CXXC1: variants seen among roughly 807,000 people sequenced by gnomAD.
CXXC1 encodes CXXC finger protein 1.
CXXC1 carries 21 observed loss-of-function variants against 83.6 expected under a neutral mutation model. That is an observed-to-expected ratio of 0.25 (90% CI 0.18 to 0.36). CXXC1 has a LOEUF of 0.36. CXXC1 is among the 10% of genes least tolerant of loss of function. The probability of loss-of-function intolerance (pLI) is 1.00; values close to 1 mark genes in which losing one functional copy is unlikely to be tolerated. For synonymous variants in CXXC1, 371 were observed against 337.5 expected (o/e 1.10, Z -1.09); for missense variants, 688 against 919.5 (o/e 0.75, Z 3.26).
At position 50,286,728 on chromosome 18, in the gene CXXC1, T is replaced by C; in HGVS notation, c.122+12A>G. ...TGCCAGTGTCAGCCCCGCCCATCTC[T>C]CCCGCGCTCACATCATGAAGCAGTT... On this transcript the variant is annotated intron_variant, in intron 2 of 14. Coordinates refer to ENST00000285106, the MANE Select transcript of CXXC1 (RefSeq NM_014593.4). 1 of 1,611,802 alleles carries C rather than the reference T, an allele frequency of 6.2e-7. No individual in the cohort carries two copies.
At position 50,285,923 on chromosome 18, in the gene CXXC1, G is replaced by A. The variant is rs1452803246; in HGVS notation, c.465C>T (p.His155=). Residue 155 remains histidine (H), a synonymous_variant, in exon 5 of 15, where the codon CAC becomes CAT. Coordinates refer to ENST00000285106, the MANE Select transcript of CXXC1 (RefSeq NM_014593.4). This position sits in a 1 kb window ranked among gnomAD's most constrained non-coding sequence, Gnocchi z 4.4. ...GTTTGATCTGCTGCTGCTGCTGCTG[G>A]TGATGCTGCAGGAGGGGGCCCAGAA... is the stretch of plus-strand genomic sequence containing the variant. The part of the protein sequence containing the change: ...QPLVATPSQH[H]QQQQQQIKRS... 6.2e-7 allele frequency: 1 copy of A among 1,614,028 alleles called. No homozygotes were observed. The highest frequency in any genetic ancestry group is 8.5e-7 in the Non-Finnish European group (1 of 1,180,018).
chr18:50,284,110 A>T lies in CXXC1; in HGVS notation c.1206-9T>A. The T allele has an allele frequency of 1.2e-6, 2 of 1,600,542 alleles. No homozygotes were observed. The highest frequency in any genetic ancestry group is 1.7e-6 in the Non-Finnish European group (2 of 1,175,834). On this transcript the variant is annotated splice_polypyrimidine_tract_variant and intron_variant, in intron 9 of 14. Coordinates refer to ENST00000285106, the MANE Select transcript of CXXC1 (RefSeq NM_014593.4). ...GGATCTCGTAGATGCGGCTGCAGGG[A>T]AGGTAGCAAGCAACAGAATGAGTGA...
At chr18:50,286,918 C>A (rs779586962) in intron 1 of CXXC1, 60 bp from the exon 2 acceptor site, 4 of 1,188,282 alleles carry the variant, frequency 3.4e-6, no homozygotes, top group Non-Finnish European at 5.0e-6. Context: ...CTCATCCCCC[C>A]ATTACAACTC....
At chr18:50,283,213 C>T in intron 13 of CXXC1, 52 bp downstream of exon 13, 2 of 1,466,494 alleles carry the variant, frequency 1.4e-6, no homozygotes, top group Middle Eastern at 1.8e-4. Context: ...GAATGTGGGA[C>T]AGCGAGGCAG....
At position 50,282,502 on chromosome 18, in the gene CXXC1, G is replaced by A. The variant is rs2040498056; in HGVS notation, c.*91C>T. The A allele has an allele frequency of 6.6e-7, 1 of 1,506,038 alleles. No homozygotes were observed. Among genetic ancestry groups the A allele is most frequent in the African/African-American group, 1.4e-5 (1 of 73,110 alleles). 93.3% of individuals were successfully genotyped at this position (1,506,038 alleles called of 1,614,324 possible). ...CCGGTGGATGGGCACAGGGAGAACCGGAGAAACAGATGAGTGGAGGAACGG... is the reference window on the plus strand; with the variant it reads ...CCGGTGGATGGGCACAGGGAGAACCAGAGAAACAGATGAGTGGAGGAACGG... On this transcript the variant is annotated 3_prime_UTR_variant, in exon 15 of 15. Coordinates refer to ENST00000285106, the MANE Select transcript of CXXC1 (RefSeq NM_014593.4). The surrounding 1 kb of genome is among the most constrained non-coding windows in gnomAD (Gnocchi z 5.8).
In CXXC1 at chr18:50,287,425, T is replaced by C. The variant is rs755579454; in HGVS notation, c.3+162A>G. ...AGGAGCCCCCCACCGTGGCTCACCATAGAACTCCCAGATGGTTCATCATTC... is the reference window on the plus strand; with the variant it reads ...AGGAGCCCCCCACCGTGGCTCACCACAGAACTCCCAGATGGTTCATCATTC... On this transcript the variant is annotated intron_variant, in intron 1 of 14. Coordinates refer to ENST00000285106, the MANE Select transcript of CXXC1 (RefSeq NM_014593.4). 1.1e-4 allele frequency: 95 copies of C among 851,142 alleles called. 1 individual carries two copies. Among genetic ancestry groups the C allele is most frequent in the South Asian group, 4.3e-4 (27 of 62,636 alleles). The allele number at this position is 851,142 out of a possible 1,614,324, so 52.7% of individuals were successfully genotyped here.
intron 9 of CXXC1, 48 bp downstream of exon 9, chr18:50,284,330 C>G: frequency 1.3e-6 from 2 of 1,517,118 alleles, no homozygotes; most frequent in Non-Finnish European, 1.8e-6. Flanking sequence ...GTGGTCAGGC[C>G]CTACCATGCA....
rs1403586843 is a variant in CXXC1 at position 50,282,754 on chromosome 18, G to A, written c.1825-15C>T. On this transcript the variant is annotated splice_polypyrimidine_tract_variant and intron_variant, in intron 14 of 14. Transcript: ENST00000285106. This position sits in a 1 kb window ranked among gnomAD's most constrained non-coding sequence, Gnocchi z 5.8. ...AGCTTGTACCACTGCCAAGGGAGCGGCAGGAGTCCTAAGCAGGAACACCTG... is the reference window on the plus strand; with the variant it reads ...AGCTTGTACCACTGCCAAGGGAGCGACAGGAGTCCTAAGCAGGAACACCTG... 1 of 1,613,486 alleles carries A rather than the reference G, an allele frequency of 6.2e-7. No individual in the cohort carries two copies. Among genetic ancestry groups the A allele is most frequent in the Non-Finnish European group, 8.5e-7 (1 of 1,179,734 alleles).
At chr18:50,283,069 CAAG>C (rs1383119939) in intron 13 of CXXC1, 63 bp from the exon 14 acceptor site, 23 of 1,565,140 alleles carry the variant, frequency 1.5e-5, no homozygotes, top group Non-Finnish European at 1.8e-5. Flanking sequence ...AATGGGGGCT[CAAG>C]GAGGGAGAAG....
intron 2 of CXXC1, 26 bp from the exon 3 acceptor site, chr18:50,286,665 A>T: frequency 6.2e-7 from 1 of 1,612,256 alleles, no homozygotes; most frequent in South Asian, 1.1e-5. Context: ...CAGGCGATGG[A>T]GATGTGAGGG....
chr18:50,283,158 TGA>T, intron 13 of CXXC1, 105 bp downstream of exon 13: 1 of 1,297,328 alleles, frequency 7.7e-7, no homozygotes, highest in Non-Finnish European at 1.1e-6. Flanking sequence ...GCAGGGAAGC[TGA>T]GAGGAAAAAG....
At chr18:50,286,350 C>G (rs1453038364) in intron 3 of CXXC1, 93 bp from the exon 4 acceptor site, 61 of 1,236,070 alleles carry the variant, frequency 4.9e-5, no homozygotes, top group Non-Finnish European at 6.5e-5. Flanking sequence ...CCTTACTGAC[C>G]CACCCACCTA....
intron 12 of CXXC1, 65 bp downstream of exon 12, chr18:50,283,450 C>T: frequency 6.2e-7 from 1 of 1,609,028 alleles, no homozygotes; most frequent in Non-Finnish European, 8.5e-7. Flanking sequence ...CCCAGCTCCA[C>T]ACACATCCCA....
At chr18:50,284,201 G>A in intron 9 of CXXC1, 100 bp from the exon 10 acceptor site, 1 of 1,462,844 alleles carries the variant, frequency 6.8e-7, no homozygotes, top group Non-Finnish European at 9.4e-7. Flanking sequence ...ATAGGTGACT[G>A]GCGGAATGGT....
chr18:50,287,273 C>G, intron 1 of CXXC1: 1 of 518,498 alleles, frequency 1.9e-6, no homozygotes, highest in East Asian at 3.2e-5. Context: ...ACACGGACTC[C>G]TCGTCACGGC....
Position 50,286,799 on chromosome 18 carries a change from A to G in CXXC1, c.63T>C (p.Asn21=), listed in dbSNP as rs746355815. The G allele has an allele frequency of 3.7e-6, 6 of 1,613,794 alleles. No individual in the cohort carries two copies. In the South Asian group the frequency reaches 5.5e-5, roughly 15 times the overall value. ...PDAGEDSKSE[N]GENAPIYCIC... ...TGCAGTAGATGGGCGCATTCTCCCCATTCTCGGACTTGCTGTCCTCCCCGG... is the reference window on the plus strand; with the variant it reads ...TGCAGTAGATGGGCGCATTCTCCCCGTTCTCGGACTTGCTGTCCTCCCCGG... The change falls in exon 2 of 15, where the codon AAT becomes AAC. Residue 21 remains asparagine, a synonymous_variant. Coordinates refer to ENST00000285106, the MANE Select transcript of CXXC1 (RefSeq NM_014593.4).
In CXXC1 at chr18:50,283,610, A is replaced by G. The variant is rs574107998; in HGVS notation, c.1525-46T>C. 3.1e-6 allele frequency: 5 copies of G among 1,611,284 alleles called. No individual in the cohort carries two copies. The African/African-American group carries it at 6.7e-5, about 22-fold the overall frequency. On this transcript the variant is annotated intron_variant, in intron 11 of 14. Coordinates refer to ENST00000285106, the MANE Select transcript of CXXC1 (RefSeq NM_014593.4). ...GGAGGGAACTGTGGATGTGCGCTGC[A>G]TGCCCTCCCAAGACACCACCCAGAC...
In CXXC1 at chr18:50,283,781, T is replaced by C; in HGVS notation, c.1448A>G (p.Gln483Arg). ...GTGCCCACAGGAAACACAGAAGATCTGCAGGTCTGTGTCATCACTGTCACC... is the reference window on the plus strand; with the variant it reads ...GTGCCCACAGGAAACACAGAAGATCCGCAGGTCTGTGTCATCACTGTCACC... ...NEGDSDDTDL[Q>R]IFCVSCGHPI... is the part of the protein sequence containing the mutation. The change falls in exon 11 of 15, where the codon CAG (glutamine) becomes CGG (arginine). Residue 483 changes from glutamine (Q) to arginine (R), a missense_variant. By Grantham distance (43) the Gln-to-Arg change is conservative. This residue lies in a region of CXXC1 where 19 missense variants were observed against 64.1 expected (regional missense o/e 0.30). Transcript: ENST00000285106. 1 of 1,614,186 alleles carries C rather than the reference T, an allele frequency of 6.2e-7. No homozygotes were observed. Among genetic ancestry groups the C allele is most frequent in the Non-Finnish European group, 8.5e-7 (1 of 1,180,000 alleles).
rs1221224312 is a variant in CXXC1 at position 50,282,367 on chromosome 18, T to A, written c.*226A>T. On this transcript the variant is annotated 3_prime_UTR_variant, in exon 15 of 15. Transcript: ENST00000285106. This position sits in a 1 kb window ranked among gnomAD's most constrained non-coding sequence, Gnocchi z 5.8. ...CTTCCTTGGTTTCTTCAAAATTTTA[T>A]TAACAAAACCCAGGGAGAGGAGGCA... The A allele has an allele frequency of 3.4e-6, 2 of 581,814 alleles. No individual in the cohort carries two copies. Among genetic ancestry groups the A allele is most frequent in the East Asian group, 5.7e-5 (2 of 35,234 alleles). The allele number at this position is 581,814 out of a possible 1,614,324, so 36.0% of individuals were successfully genotyped here. A position where few individuals can be genotyped will look rare whatever the true frequency, so the allele number is the denominator to read the frequency against.
Sources: gnomAD v4.1 joint callset for allele counts on GRCh38, gnomAD v4.1.1 for gene constraint, gnomAD v4.1.1 regional missense constraint, Gnocchi (gnomAD v3.1) non-coding constraint, MANE v1.5 for transcripts, NCBI Gene and HGNC (gene_info 2026-07-23, HGNC 2026-07-21) for gene names.